Variants in NAV3 observed in about 807,000 individuals in gnomAD.
The protein encoded by NAV3 is pore membrane and/or filament interacting like protein 1.
NAV3 carries 87 observed loss-of-function variants against 244.7 expected under a neutral mutation model. The ratio of observed to expected loss-of-function variants is 0.36; its 90% CI spans 0.30 to 0.42. The LOEUF (loss-of-function observed/expected upper bound fraction) is 0.42. Among genes scored for constraint, NAV3 ranks in the 20% least tolerant of loss-of-function variants. NAV3 has a pLI of 1.00. For synonymous variants in NAV3, 1,126 were observed against 1,042.2 expected, an observed-to-expected ratio of 1.08 and a Z score of -1.55; for missense variants, 2,663 against 2,893.3, an observed-to-expected ratio of 0.92 and a Z score of 1.83.
chr12:78,139,724 G>GA (rs145572148), intron 19 of NAV3, among the ~76,000 whole-genome samples: 1,991 of 147,230 alleles, frequency 0.014, 38 homozygotes, highest in African/African-American at 0.045. Flanking sequence ...ACATCACCTT[G>GA]AAAAAAAAAA....
Position 78,147,566 on chromosome 12 carries a change from T to A in NAV3, c.4707+1174T>A, listed in dbSNP as rs560640711. On this transcript the variant is annotated intron_variant, in intron 21 of 39. Transcript: ENST00000397909. ...GAAATCATTCATAGTCATTATCTTA[T>A]AAATGTAAAGCAAATGTTATTTTAG... Among the ~76,000 whole-genome samples, 28 of 151,008 alleles carry A rather than the reference T, an allele frequency of 1.9e-4. No individual in the cohort carries two copies. The South Asian group carries it at 5.4e-3, about 29-fold the overall frequency.
Position 77,853,271 on chromosome 12 carries a change from G to T in NAV3, c.243+21567G>T, listed in dbSNP as rs115607383. Reference sequence around the variant, plus strand: ...TTTTCTGTATTTAACTGGCCATTTGGATATCTTCCGTTGTGTTCATTCAGG... The same window carrying T: ...TTTTCTGTATTTAACTGGCCATTTGTATATCTTCCGTTGTGTTCATTCAGG... On this transcript the variant is annotated intron_variant, in intron 1 of 39. Transcript: ENST00000397909. Among the ~76,000 whole-genome samples the T allele has an allele frequency of 1.7e-3, 264 of 152,238 alleles. 2 individuals are homozygous for T. The highest frequency in any genetic ancestry group is 6.1e-3 in the African/African-American group (253 of 41,550).
chr12:78,006,366 A>G, intron 7 of NAV3, 53 bp from the exon 8 acceptor site: 1 of 1,516,208 alleles, frequency 6.6e-7, no homozygotes, highest in East Asian at 2.3e-5. Context: ...TATGTAATAT[A>G]AATGATCAAG....
chr12:77,907,064 G>A (rs892311853), intron 1 of NAV3, among the ~76,000 whole-genome samples: 1 of 151,998 alleles, frequency 6.6e-6, no homozygotes, highest in South Asian at 2.1e-4. Context: ...TCACTCATCC[G>A]TCAAAAACTC....
chr12:77,637,370 C>G (rs1872204814), intron 2 of NAV3, among the ~76,000 whole-genome samples: 1 of 152,062 alleles, frequency 6.6e-6, no homozygotes, highest in Admixed American at 6.6e-5. Flanking sequence ...TCCCCATGAT[C>G]AGGAAAATTG....
chr12:77,756,010 A>T (rs1299001384), intron 2 of NAV3, among the ~76,000 whole-genome samples: 4 of 152,216 alleles, frequency 2.6e-5, no homozygotes, highest in African/African-American at 4.8e-5. Flanking sequence ...TTTGAAATAG[A>T]TCAACTTTTG....
chr12:77,867,756 A>G (rs1880306862), intron 1 of NAV3, among the ~76,000 whole-genome samples: 1 of 152,160 alleles, frequency 6.6e-6, no homozygotes, highest in Admixed American at 6.6e-5. Context: ...AGAACAGACT[A>G]ATACAGTAGT....
chr12:77,742,624 T>C (rs1428700162), intron 2 of NAV3, among the ~76,000 whole-genome samples: 1 of 152,062 alleles, frequency 6.6e-6, no homozygotes, highest in Non-Finnish European at 1.5e-5. Flanking sequence ...ACAGTTAAAA[T>C]GTATCAAAAC....
intron 18 of NAV3, among the ~76,000 whole-genome samples, chr12:78,131,365 C>A (rs1956158405): frequency 6.6e-6 from 1 of 152,060 alleles, no homozygotes; most frequent in African/African-American, 2.4e-5. Flanking sequence ...ACCTATAATG[C>A]CAAAGAATGT....
intron 3 of NAV3, among the ~76,000 whole-genome samples, chr12:77,942,830 A>G (rs1890002276): frequency 6.6e-6 from 1 of 152,220 alleles, no homozygotes; most frequent in Non-Finnish European, 1.5e-5. Flanking sequence ...ACATGCGTGG[A>G]TTAACACCTG....
chr12:77,828,441 A>C (rs1873243537), upstream of NAV3, among the ~76,000 whole-genome samples: 1 of 152,192 alleles, frequency 6.6e-6, no homozygotes, highest in African/African-American at 2.4e-5. Flanking sequence ...AGATGAATAC[A>C]ATCATCTATA....
intron 1 of NAV3, among the ~76,000 whole-genome samples, chr12:77,889,577 C>G (rs752818719): frequency 2.6e-5 from 4 of 152,120 alleles, no homozygotes; most frequent in Non-Finnish European, 5.9e-5. Context: ...TATTATTTTA[C>G]TTTGCAATGA....
At chr12:78,098,791 A>T (rs1428706622) in intron 12 of NAV3, among the ~76,000 whole-genome samples, 2 of 151,858 alleles carry the variant, frequency 1.3e-5, no homozygotes, top group African/African-American at 2.4e-5. Flanking sequence ...CACAAAGGAC[A>T]TTGACAATGT....
chr12:77,703,189 C>T (rs1189282353), intron 2 of NAV3, among the ~76,000 whole-genome samples: 1 of 152,054 alleles, frequency 6.6e-6, no homozygotes, highest in African/African-American at 2.4e-5. Context: ...AGCCAGACCC[C>T]TTTTCCCTTT....
chr12:77,681,231 TAA>T (rs1275167394), intron 2 of NAV3, among the ~76,000 whole-genome samples: 1 of 152,192 alleles, frequency 6.6e-6, no homozygotes, highest in Non-Finnish European at 1.5e-5. Flanking sequence ...GCAATAAAAT[TAA>T]AAGTCATGTT....
intron 5 of NAV3, among the ~76,000 whole-genome samples, chr12:77,992,021 CA>C (rs879814338): frequency 2.7e-4 from 38 of 138,992 alleles, no homozygotes; most frequent in Admixed American, 8.0e-4. Flanking sequence ...GACTCCATCT[CA>C]AAAAAAAAAA....
intron 2 of NAV3, among the ~76,000 whole-genome samples, chr12:77,806,444 A>C (rs1299105271): frequency 6.6e-6 from 1 of 152,198 alleles, no homozygotes; most frequent in African/African-American, 2.4e-5. Context: ...ATTCAGGAGC[A>C]GGTTGTTCAG....
At chr12:77,818,089 A>G (rs1872589061) in intron 2 of NAV3, among the ~76,000 whole-genome samples, 1 of 152,142 alleles carries the variant, frequency 6.6e-6, no homozygotes, top group Non-Finnish European at 1.5e-5. Context: ...GATAGGTGGA[A>G]GAGAGGAGGA....
At chr12:77,625,410 G>A (rs1871573154) in intron 2 of NAV3, among the ~76,000 whole-genome samples, 1 of 152,100 alleles carries the variant, frequency 6.6e-6, no homozygotes, top group South Asian at 2.1e-4. Flanking sequence ...AATTATAGTG[G>A]AAAGTATCTG....
Sources: allele counts gnomAD v4.1 joint callset (sites outside exome capture counted in the v4.1 genomes callset), GRCh38; gene constraint gnomAD v4.1.1; transcripts MANE v1.5; gene names NCBI Gene and HGNC (gene_info 2026-07-23, HGNC 2026-07-21).